Variants in OPA3 observed in about 807,000 individuals in gnomAD.
OPA3 encodes the protein optic atrophy 3 protein.
OPA3 carries 6 observed loss-of-function variants against 4.0 expected under a neutral mutation model. That is an observed-to-expected ratio of 1.51 (90% CI 0.83 to 2.99). The LOEUF (loss-of-function observed/expected upper bound fraction) is 2.99. Ranked by LOEUF, OPA3 falls within the 30% of genes most tolerant of loss-of-function variation. The probability of loss-of-function intolerance (pLI) is 0.00; values close to 1 mark genes in which losing one functional copy is unlikely to be tolerated. For missense variants in OPA3, 235 were observed against 256.2 expected, an observed-to-expected ratio of 0.92 and a Z score of 0.56; for synonymous variants, 105 against 117.1, an observed-to-expected ratio of 0.90 and a Z score of 0.67.
intron 1 of OPA3, among the ~76,000 whole-genome samples, chr19:45,579,993 T>C (rs1425549819): frequency 1.0e-5 from 1 of 100,148 alleles, no homozygotes; most frequent in Non-Finnish European, 1.7e-5. Context: ...TTCTTTCTTT[T>C]TTTTTTTCTT....
downstream of OPA3, among the ~76,000 whole-genome samples, chr19:45,541,630 T>C (rs1346089342): frequency 2.0e-5 from 3 of 152,150 alleles, no homozygotes; most frequent in Admixed American, 6.6e-5. Flanking sequence ...AGTGGTGCAA[T>C]GATGGCTCAT....
intron 1 of OPA3, among the ~76,000 whole-genome samples, chr19:45,579,989 CTTTTTTTTTTTCTTT>C (rs1969822944): frequency 1.7e-5 from 2 of 121,152 alleles, no homozygotes; most frequent in South Asian, 2.6e-4. Context: ...CATTTTCTTT[CTTTTTTTTTTTCTTT>C]TTTTTTTTTT....
chr19:45,574,405 A>G (rs1353208927), intron 1 of OPA3, among the ~76,000 whole-genome samples: 3 of 151,528 alleles, frequency 2.0e-5, no homozygotes, highest in South Asian at 2.1e-4. Context: ...TCAAAAAAAA[A>G]AAAAAAAAAG....
At chr19:45,529,543 G>A in intron 1 of OPA3, 1 of 1,500,586 alleles carries the variant, frequency 6.7e-7, no homozygotes, top group Non-Finnish European at 9.3e-7. Flanking sequence ...CCCCGTTGTA[G>A]CAATGGGGAT....
At chr19:45,582,230 G>A (rs1969866857) in intron 1 of OPA3, among the ~76,000 whole-genome samples, 1 of 150,770 alleles carries the variant, frequency 6.6e-6, no homozygotes, top group African/African-American at 2.4e-5. Flanking sequence ...ACGCGATCTT[G>A]GCTCACTGCA....
In OPA3 at chr19:45,547,231, C is replaced by T. The variant is rs1347196495; in HGVS notation, c.*6283G>A. 1.3e-5 allele frequency: 2 copies of T among 152,256 alleles called. No individual in the cohort carries two copies. The highest frequency in any genetic ancestry group is 2.1e-4 in the South Asian group (1 of 4,834). The allele number at this position is 152,256 out of a possible 1,614,324, so 9.4% of individuals were successfully genotyped here. ...GGGGCAGCCTTTGCTTGCCTGGCCC[C>T]CTCACCTAACTTCTCCCCTCGCTTA... On this transcript the variant is annotated 3_prime_UTR_variant, in exon 2 of 2. Coordinates refer to ENST00000263275, the MANE Select transcript of OPA3 (RefSeq NM_025136.4).
chr19:45,538,518 C>T (rs1028964012), intron 1 of OPA3, among the ~76,000 whole-genome samples: 4 of 151,986 alleles, frequency 2.6e-5, no homozygotes, highest in African/African-American at 4.8e-5. Flanking sequence ...GTCAGAAGTT[C>T]GAGACCAGGC....
intron 1 of OPA3, among the ~76,000 whole-genome samples, chr19:45,537,637 A>C (rs1397838601): frequency 4.0e-5 from 6 of 149,900 alleles, no homozygotes; most frequent in Non-Finnish European, 5.9e-5. Context: ...CTTTTCTTTT[A>C]TTTTCTTTTT....
intron 1 of OPA3, among the ~76,000 whole-genome samples, chr19:45,557,771 C>T (rs1481532099): frequency 6.6e-6 from 1 of 152,216 alleles, no homozygotes; most frequent in African/African-American, 2.4e-5. Context: ...CCTATCACAA[C>T]CAGGAATAGT....
At chr19:45,582,322 C>G (rs1432114012) in intron 1 of OPA3, among the ~76,000 whole-genome samples, 1 of 151,656 alleles carries the variant, frequency 6.6e-6, no homozygotes, top group Non-Finnish European at 1.5e-5. Context: ...ACCAAGCCCG[C>G]CTAACTTTTG....
chr19:45,553,721 C>T lies in OPA3; in HGVS notation c.333G>A (p.Lys111=), dbSNP rs761583193. ...TCCAGGCAGCACGCTGCTCCTCCTC[C>T]TTGTGGCGCTGCTGCGCCTGGTGGC... ...YWRHQAQQRH[K]EEEQRAAWNA... The change falls in exon 2 of 2, where the codon AAG becomes AAA. Residue 111 remains lysine, a synonymous_variant. Coordinates refer to ENST00000263275, the MANE Select transcript of OPA3 (RefSeq NM_025136.4). 1.1e-5 allele frequency: 17 copies of T among 1,609,900 alleles called. No individual in the cohort carries two copies. The highest frequency in any genetic ancestry group is 3.3e-5 in the Admixed American group (2 of 59,852).
intron 1 of OPA3, among the ~76,000 whole-genome samples, chr19:45,568,845 G>A (rs1295014297): frequency 6.6e-6 from 1 of 152,122 alleles, no homozygotes; most frequent in Non-Finnish European, 1.5e-5. Flanking sequence ...GAATTTGGCA[G>A]GAAATCCGGG....
chr19:45,544,932 G>A (rs1055922469), downstream of OPA3, among the ~76,000 whole-genome samples: 17 of 151,858 alleles, frequency 1.1e-4, no homozygotes, highest in Non-Finnish European at 2.1e-4. Flanking sequence ...GTGGTGAGCC[G>A]AGATCGTGTC....
chr19:45,543,799 G>A (rs943819527), downstream of OPA3, among the ~76,000 whole-genome samples: 4 of 152,046 alleles, frequency 2.6e-5, no homozygotes, highest in South Asian at 4.1e-4. Context: ...AAGTAAACTC[G>A]TTCACTCAAT....
chr19:45,544,294 C>T (rs1309085984), downstream of OPA3, among the ~76,000 whole-genome samples: 1 of 152,186 alleles, frequency 6.6e-6, no homozygotes, highest in African/African-American at 2.4e-5. Context: ...GAAACAACCC[C>T]AACGTTCAAC....
intron 1 of OPA3, among the ~76,000 whole-genome samples, chr19:45,564,192 G>A (rs867587201): frequency 1.5e-4 from 23 of 150,460 alleles, no homozygotes; most frequent in African/African-American, 4.4e-4. Context: ...GAGGGTATGC[G>A]ACTAGGCGGA....
downstream of OPA3, among the ~76,000 whole-genome samples, chr19:45,543,401 G>A (rs188532022): frequency 2.0e-3 from 307 of 151,550 alleles, 3 homozygotes; most frequent in African/African-American, 6.5e-3. Context: ...GCTCACTGTA[G>A]CCTCCAACTC....
At chr19:45,580,257 G>A in intron 1 of OPA3, among the ~76,000 whole-genome samples, 1 of 148,974 alleles carries the variant, frequency 6.7e-6, no homozygotes, top group East Asian at 2.0e-4. Context: ...GCCTCCCAAA[G>A]TGTTGGGATT....
chr19:45,543,200 C>T (rs917985258), downstream of OPA3, among the ~76,000 whole-genome samples: 6 of 151,928 alleles, frequency 3.9e-5, no homozygotes, highest in Non-Finnish European at 5.9e-5. Flanking sequence ...GAAGAAATAG[C>T]GTCTCTGTAT....
Sources: gnomAD v4.1 joint callset for allele counts (sites outside exome capture counted in the v4.1 genomes callset) on GRCh38, gnomAD v4.1.1 for gene constraint, MANE v1.5 for transcripts, NCBI Gene and HGNC (gene_info 2026-07-23, HGNC 2026-07-21) for gene names.